Variants in B4GALT6 observed in about 807,000 individuals in gnomAD.
The protein encoded by B4GALT6 is beta-1,4-galactosyltransferase 6, also known as UDP-Gal:beta-GlcNAc beta-1,4-galactosyltransferase 6.
In B4GALT6, 14 loss-of-function variants were observed where a neutral mutation model predicts 46.3. The ratio of observed to expected loss-of-function variants is 0.30; its 90% CI spans 0.20 to 0.47. The LOEUF is 0.47. Ranked by LOEUF, B4GALT6 falls within the 20% of genes least tolerant of loss-of-function variation. B4GALT6 has a pLI of 0.99. For synonymous variants in B4GALT6, 168 were observed against 162.0 expected (o/e 1.04, Z -0.28); for missense variants, 386 against 480.1 (o/e 0.80, Z 1.83).
chr18:31,647,512 T>C (rs2074005676), intron 3 of B4GALT6, among the ~76,000 whole-genome samples: 1 of 152,182 alleles, frequency 6.6e-6, no homozygotes, highest in Non-Finnish European at 1.5e-5. Flanking sequence ...ATCAGGAGCT[T>C]TCCTATGTGC....
chr18:31,637,909 G>A, intron 5 of B4GALT6, among the ~76,000 whole-genome samples: 1 of 152,104 alleles, frequency 6.6e-6, no homozygotes, highest in East Asian at 1.9e-4. Context: ...CTGCCAAGTA[G>A]CCTAAATTAG....
intron 1 of B4GALT6, among the ~76,000 whole-genome samples, chr18:31,677,592 T>G (rs1198565695): frequency 6.6e-6 from 1 of 152,236 alleles, no homozygotes; most frequent in African/African-American, 2.4e-5. Context: ...AATCTTCACT[T>G]GAATCGATCT....
chr18:31,662,329 G>A (rs1667271), intron 2 of B4GALT6, among the ~76,000 whole-genome samples: 101,407 of 152,030 alleles, frequency 0.67, 33,973 homozygotes, highest in South Asian at 0.8. Context: ...TACTCTGTCC[G>A]GTGGTATTTG....
intron 1 of B4GALT6, among the ~76,000 whole-genome samples, chr18:31,675,506 A>G (rs1326841094): frequency 6.6e-6 from 1 of 152,244 alleles, no homozygotes; most frequent in Non-Finnish European, 1.5e-5. Flanking sequence ...GAACCTAGTG[A>G]TATGAAAACA....
At chr18:31,688,455 A>C (rs187617967), upstream of B4GALT6, among the ~76,000 whole-genome samples, 29 of 151,916 alleles carry the variant, frequency 1.9e-4, no homozygotes, top group African/African-American at 6.8e-4. Context: ...TTAAAGCCAA[A>C]TTTTAATAAT....
the B4GALT6 span, among the ~76,000 whole-genome samples, chr18:31,712,024 A>T: frequency 6.6e-6 from 1 of 152,168 alleles, no homozygotes; most frequent in African/African-American, 2.4e-5. Context: ...CCTGCATTTA[A>T]TCACACACTC....
chr18:31,658,367 G>T (rs1244152394), intron 2 of B4GALT6: 2 of 256,396 alleles, frequency 7.8e-6, no homozygotes, highest in Non-Finnish European at 1.5e-5. Flanking sequence ...ACCTGCTCCC[G>T]TCCCTCCCCT....
chr18:31,697,711 G>A, the B4GALT6 span, among the ~76,000 whole-genome samples: 80 of 152,266 alleles, frequency 5.3e-4, no homozygotes, highest in East Asian at 0.015. Context: ...GAGGGGGCTA[G>A]GAACAAAATG....
the B4GALT6 span, among the ~76,000 whole-genome samples, chr18:31,698,982 A>G: frequency 1.3e-5 from 2 of 151,352 alleles, no homozygotes; most frequent in African/African-American, 2.4e-5. Flanking sequence ...CACAAGAATC[A>G]CTTGAACCAG....
chr18:31,643,584 C>T (rs949006688), intron 4 of B4GALT6, among the ~76,000 whole-genome samples: 3 of 152,144 alleles, frequency 2.0e-5, no homozygotes, highest in African/African-American at 7.2e-5. Context: ...CAGGTATGAA[C>T]CTTAGATCCC....
chr18:31,682,674 A>G (rs2074493888), intron 1 of B4GALT6, among the ~76,000 whole-genome samples: 1 of 152,238 alleles, frequency 6.6e-6, no homozygotes, highest in South Asian at 2.1e-4. Flanking sequence ...ATATAACTTT[A>G]ACATGTTACT....
the B4GALT6 span, among the ~76,000 whole-genome samples, chr18:31,705,110 G>C: frequency 6.6e-6 from 1 of 152,112 alleles, no homozygotes; most frequent in Non-Finnish European, 1.5e-5. Context: ...TAGGAACATA[G>C]ACTAGAGATG....
intron 3 of B4GALT6, among the ~76,000 whole-genome samples, chr18:31,649,475 A>G (rs2074033533): frequency 6.6e-6 from 1 of 151,950 alleles, no homozygotes; most frequent in Non-Finnish European, 1.5e-5. Context: ...TCTTTAAGAC[A>G]TTTATGCAAA....
chr18:31,694,497 C>G, the B4GALT6 span, among the ~76,000 whole-genome samples: 1 of 152,190 alleles, frequency 6.6e-6, no homozygotes, highest in Admixed American at 6.5e-5. Flanking sequence ...AGAACAATCG[C>G]TCAGAGTCTC....
chr18:31,709,810 T>G, the B4GALT6 span, among the ~76,000 whole-genome samples: 17 of 152,012 alleles, frequency 1.1e-4, no homozygotes, highest in East Asian at 2.9e-3. Context: ...ATAAGAAGTG[T>G]GGCCAGGTGT....
chr18:31,656,111 T>C (rs2074135217), intron 3 of B4GALT6, among the ~76,000 whole-genome samples: 1 of 152,180 alleles, frequency 6.6e-6, no homozygotes, highest in South Asian at 2.1e-4. Context: ...GATTCTGATG[T>C]ACCCCCAAGA....
rs76957592 is a variant in B4GALT6, at chr18:31,645,126, G to C, written c.471+229C>G. ...ACGTATTTATTACCAGGAACTCAAA[G>C]AGAATGAACCGAGCATCTATTTTGT... On this transcript the variant is annotated intron_variant, in intron 4 of 8. Transcript: ENST00000306851. Among the ~76,000 whole-genome samples the C allele has an allele frequency of 4.0e-5, 6 of 151,694 alleles. No homozygotes were observed. In the East Asian group the frequency reaches 1.2e-3, roughly 30 times the overall value.
chr18:31,684,322 G>A lies in B4GALT6; in HGVS notation c.105C>T (p.Ala35=), dbSNP rs951694327. 4 of 1,613,228 alleles carry A rather than the reference G, an allele frequency of 2.5e-6. No homozygotes were observed. The highest frequency in any genetic ancestry group is 3.4e-6 in the Non-Finnish European group (4 of 1,179,738). The change falls in exon 1 of 9, where the codon GCC becomes GCT. Residue 35 remains alanine (A), a synonymous_variant. Transcript: ENST00000306851. ...TGTCTCGGTGCTTACCGATGCCTGGGGCCACATAGATGAAGTACAGACAGG... is the reference window on the plus strand; with the variant it reads ...TGTCTCGGTGCTTACCGATGCCTGGAGCCACATAGATGAAGTACAGACAGG... ...SSSCLYFIYV[A]PGIANTYLFM...
intron 2 of B4GALT6, among the ~76,000 whole-genome samples, chr18:31,660,626 T>A (rs2074201655): frequency 6.6e-6 from 1 of 151,284 alleles, no homozygotes; most frequent in Non-Finnish European, 1.5e-5. Context: ...CAAAGCATTG[T>A]AGTAAAGTCA....
Sources: allele counts gnomAD v4.1 joint callset (sites outside exome capture counted in the v4.1 genomes callset), GRCh38; gene constraint gnomAD v4.1.1; transcripts MANE v1.5; gene names NCBI Gene and HGNC (gene_info 2026-07-23, HGNC 2026-07-21).